The following GFRA1 variants were observed in gnomAD, a reference collection of about 807,000 sequenced individuals.
GFRA1 encodes the protein GDNF family receptor alpha 1.
In GFRA1, 16 loss-of-function variants were observed where a neutral mutation model predicts 51.6. The observed-to-expected ratio is 0.31, with a 90% CI of 0.21 to 0.47. The LOEUF is 0.47. Among genes scored for constraint, GFRA1 ranks in the 20% least tolerant of loss-of-function variants. GFRA1 has a pLI of 1.00. For synonymous variants in GFRA1, 270 were observed against 241.3 expected (o/e 1.12, Z -1.10); for missense variants, 530 against 594.3 (o/e 0.89, Z 1.13).
chr10:116,264,526 T>C (rs1012002338), intron 4 of GFRA1, among the ~76,000 whole-genome samples: 1 of 152,158 alleles, frequency 6.6e-6, no homozygotes, highest in Non-Finnish European at 1.5e-5. Flanking sequence ...GATTAATAGC[T>C]ACCATAAAGG....
intron 5 of GFRA1, among the ~76,000 whole-genome samples, chr10:116,201,425 T>C (rs1426409345): frequency 6.6e-6 from 1 of 152,126 alleles, no homozygotes; most frequent in African/African-American, 2.4e-5. Context: ...ACCCAGAGTC[T>C]GCCAGGTTTG....
At chr10:116,134,032 A>C (rs1958215409) in intron 5 of GFRA1, among the ~76,000 whole-genome samples, 1 of 152,254 alleles carries the variant, frequency 6.6e-6, no homozygotes, top group Admixed American at 6.5e-5. Flanking sequence ...ACCAGTTGAA[A>C]CGATTCAGGA....
chr10:116,260,961 A>G (rs1969256276), intron 4 of GFRA1, among the ~76,000 whole-genome samples: 1 of 152,214 alleles, frequency 6.6e-6, no homozygotes, highest in African/African-American at 2.4e-5. Context: ...TTTTCCTTAC[A>G]GACAACCCTG....
At chr10:116,234,663 C>A (rs79727827) in intron 4 of GFRA1, among the ~76,000 whole-genome samples, 1 of 152,084 alleles carries the variant, frequency 6.6e-6, no homozygotes, top group Admixed American at 6.5e-5. Context: ...AAAAATGTAC[C>A]ACTCAGGGCT....
intron 6 of GFRA1, among the ~76,000 whole-genome samples, chr10:116,102,079 T>A (rs926979496): frequency 1.3e-5 from 2 of 152,222 alleles, no homozygotes; most frequent in African/African-American, 4.8e-5. Context: ...TTGTCTCACA[T>A]ACAAGACAGC....
intron 5 of GFRA1, among the ~76,000 whole-genome samples, chr10:116,194,628 C>T (rs1484050610): frequency 6.6e-6 from 1 of 151,848 alleles, no homozygotes; most frequent in African/African-American, 2.4e-5. Context: ...AGAAACAAAC[C>T]CACTGAGCAA....
In GFRA1 at chr10:116,269,510, G is replaced by T; in HGVS notation, c.411C>A (p.Phe137Leu). ...RLSDIFRVVP[F>L]ISDVFQQVEH... is the part of the protein sequence containing the mutation. ...AAGTATAAATCTGCTTACCTGATAT[G>T]AATGGGACCACCCGGAATATATCTG... Residue 137 changes from phenylalanine to leucine, a missense_variant, in exon 4 of 11, where the codon TTC (phenylalanine) becomes TTA (leucine). Coordinates refer to ENST00000355422, the MANE Select transcript of GFRA1 (RefSeq NM_005264.8). 1 of 1,581,632 alleles carries T rather than the reference G, an allele frequency of 6.3e-7. No individual in the cohort carries two copies.
chr10:116,075,863 G>A (rs1356372630), intron 9 of GFRA1, among the ~76,000 whole-genome samples: 1 of 152,024 alleles, frequency 6.6e-6, no homozygotes, highest in Non-Finnish European at 1.5e-5. Context: ...TCCTGCCTCA[G>A]CCTCCCAAGT....
chr10:116,207,860 T>A (rs1184451757), intron 5 of GFRA1, among the ~76,000 whole-genome samples: 1 of 152,110 alleles, frequency 6.6e-6, no homozygotes, highest in Non-Finnish European at 1.5e-5. Flanking sequence ...CTACTCGTTC[T>A]CACTGCCCGA....
chr10:116,066,208 G>GTGA (rs1955105027), intron 9 of GFRA1, among the ~76,000 whole-genome samples: 1 of 152,112 alleles, frequency 6.6e-6, no homozygotes, highest in South Asian at 2.1e-4. Context: ...TGGGTATATA[G>GTGA]TGATGAACAA....
intron 6 of GFRA1, among the ~76,000 whole-genome samples, chr10:116,113,996 T>C (rs1311874363): frequency 6.6e-6 from 1 of 152,122 alleles, no homozygotes; most frequent in Middle Eastern, 3.2e-3. Flanking sequence ...CTGAGTCCTA[T>C]ATGACGAGCA....
intron 4 of GFRA1, among the ~76,000 whole-genome samples, chr10:116,246,647 G>A (rs1318454323): frequency 3.3e-5 from 5 of 152,132 alleles, no homozygotes; most frequent in Non-Finnish European, 7.4e-5. Flanking sequence ...CACTCAACAC[G>A]GAGGCATAAG....
intron 4 of GFRA1, among the ~76,000 whole-genome samples, chr10:116,230,870 T>C (rs1409288492): frequency 6.6e-6 from 1 of 151,972 alleles, no homozygotes; most frequent in Non-Finnish European, 1.5e-5. Flanking sequence ...ACACTCAAAG[T>C]AGAAGCAGAA....
intron 4 of GFRA1, among the ~76,000 whole-genome samples, chr10:116,242,472 T>C (rs1337223515): frequency 6.6e-6 from 1 of 151,992 alleles, no homozygotes; most frequent in Non-Finnish European, 1.5e-5. Context: ...GAAGAGAAGG[T>C]ATCCATAAAA....
chr10:116,173,176 C>T (rs934371153), intron 5 of GFRA1, among the ~76,000 whole-genome samples: 1 of 152,190 alleles, frequency 6.6e-6, no homozygotes, highest in Non-Finnish European at 1.5e-5. Flanking sequence ...AGCACTTCCA[C>T]ATAGATGATT....
rs77406058 is a variant in GFRA1 at position 116,125,460 on chromosome 10, C to T, written c.531G>A (p.Pro177=). The T allele has an allele frequency of 9.3e-6, 15 of 1,614,080 alleles. No homozygotes were observed. Among genetic ancestry groups the T allele is most frequent in the East Asian group, 6.7e-5 (3 of 44,868 alleles). Residue 177 remains proline (P), a synonymous_variant, in exon 6 of 11, where the codon CCG becomes CCA. Coordinates refer to ENST00000355422, the MANE Select transcript of GFRA1 (RefSeq NM_005264.8). ...CATCGTTGGACACGCTGGTGGTGCA[C>T]GGGGTGATGTACGCCGACCTGTACT... ...CKKYRSAYIT[P]CTTSVSNDVC... is the part of the protein sequence containing the mutation.
intron 9 of GFRA1, among the ~76,000 whole-genome samples, chr10:116,070,545 C>G (rs7070834): frequency 0.072 from 10,939 of 152,162 alleles, 1,309 homozygotes; most frequent in African/African-American, 0.25. Flanking sequence ...AGCAGAGGAA[C>G]CTGCTTCCAA....
At chr10:116,188,360 A>C (rs1451918383) in intron 5 of GFRA1, among the ~76,000 whole-genome samples, 2 of 152,230 alleles carry the variant, frequency 1.3e-5, no homozygotes, top group African/African-American at 4.8e-5. Flanking sequence ...CAGGCTGGAC[A>C]CAAAAGGACA....
rs144019141 is a variant in GFRA1 at position 116,151,827 on chromosome 10, G to T, written c.434-26270C>A. Among the ~76,000 whole-genome samples, 578 of 152,340 alleles carry T rather than the reference G, an allele frequency of 3.8e-3. 2 individuals carry two copies. Among genetic ancestry groups the T allele is most frequent in the Non-Finnish European group, 6.4e-3 (433 of 68,032 alleles). On this transcript the variant is annotated intron_variant, in intron 5 of 10. Transcript: ENST00000355422. ...GCATACAGTTTAGATACTAGTGGAA[G>T]AGAGAAGCCAGGCAAACAAGCAAAT... is the stretch of plus-strand genomic sequence containing the variant.
Sources: allele counts gnomAD v4.1 joint callset (sites outside exome capture counted in the v4.1 genomes callset), GRCh38; gene constraint gnomAD v4.1.1; transcripts MANE v1.5; gene names NCBI Gene and HGNC (gene_info 2026-07-23, HGNC 2026-07-21).